The following COL4A6 variants were observed in gnomAD, a reference collection of about 807,000 sequenced individuals.
COL4A6 encodes the protein collagen alpha-6(IV) chain.
In COL4A6, 59 loss-of-function variants were observed where a neutral mutation model predicts 126.7. The observed-to-expected ratio is 0.47, with a 90% confidence interval of 0.38 to 0.58. COL4A6 has a LOEUF of 0.58. Ranked by LOEUF, COL4A6 falls within the 20% of genes least tolerant of loss-of-function variation. The probability of loss-of-function intolerance (pLI) is 0.00; values close to 1 mark genes in which losing one functional copy is unlikely to be tolerated. For synonymous variants in COL4A6, 547 were observed against 496.6 expected, an observed-to-expected ratio of 1.10 and a Z score of -1.35; for missense variants, 1,285 against 1,337.3, an observed-to-expected ratio of 0.96 and a Z score of 0.61.
chrX:108,350,198 A>G (rs1467613885), intron 2 of COL4A6, among the ~76,000 whole-genome samples: 2 of 112,263 alleles, frequency 1.8e-5, no homozygotes, highest in African/African-American at 6.5e-5. Flanking sequence ...ACAATCTGCA[A>G]TATATATGGG....
chrX:108,321,339 G>A (rs1479196887), intron 2 of COL4A6, among the ~76,000 whole-genome samples: 1 of 110,697 alleles, frequency 9.0e-6, no homozygotes, highest in Admixed American at 9.6e-5. Context: ...TTTTTGTTTT[G>A]TTTCATTTTG....
intron 2 of COL4A6, among the ~76,000 whole-genome samples, chrX:108,318,505 T>C (rs1475813773): frequency 2.7e-5 from 3 of 111,176 alleles, no homozygotes; most frequent in African/African-American, 9.8e-5. Flanking sequence ...CTCCTTAAGC[T>C]GATAAGCAAC....
intron 23 of COL4A6, among the ~76,000 whole-genome samples, chrX:108,181,935 T>C (rs1174330252): frequency 1.8e-5 from 2 of 112,699 alleles, no homozygotes. Context: ...CTATAGCTTT[T>C]GCCTGTACTT....
intron 2 of COL4A6, among the ~76,000 whole-genome samples, chrX:108,391,031 G>T (rs1007723562): frequency 2.7e-5 from 3 of 111,230 alleles, no homozygotes; most frequent in African/African-American, 6.5e-5. Flanking sequence ...GTTTTCCCGG[G>T]TATCACCAGT....
intron 14 of COL4A6, 149 bp from the exon 15 acceptor site, chrX:108,195,275 CTTTT>C: frequency 7.0e-6 from 2 of 285,355 alleles, no homozygotes; most frequent in East Asian, 5.7e-5. Context: ...AGCTTAACGA[CTTTT>C]TTTTTTTTTT....
At chrX:108,298,759 A>G (rs2038403489) in intron 3 of COL4A6, among the ~76,000 whole-genome samples, 1 of 108,997 alleles carries the variant, frequency 9.2e-6, no homozygotes. Context: ...GACTTGCCAC[A>G]TTGCAGGCTC....
chrX:108,377,773 C>A (rs1311458427), intron 2 of COL4A6, among the ~76,000 whole-genome samples: 2 of 106,358 alleles, frequency 1.9e-5, no homozygotes, highest in African/African-American at 3.4e-5. Context: ...ACTAAAAAAA[C>A]CAAAAAATTA....
At chrX:108,266,118 T>C (rs2147741909) in intron 3 of COL4A6, among the ~76,000 whole-genome samples, 1 of 111,664 alleles carries the variant, frequency 9.0e-6, no homozygotes, top group South Asian at 3.8e-4. Context: ...AGAAAATATA[T>C]GAGTGCAGTG....
At position 108,300,348 on chromosome X, in the gene COL4A6, GTC is replaced by G. The variant is rs763735393; in HGVS notation, c.144+10398_144+10399del. 7.3e-4 allele frequency among the ~76,000 whole-genome samples: 72 copies of G among 99,249 alleles called. No homozygotes were observed. The East Asian group carries it at 0.011, about 15-fold the overall frequency. 86.2% of individuals were successfully genotyped at this position (99,249 alleles called of 115,157 possible). A position where few individuals can be genotyped will look rare whatever the true frequency, so the allele number is the denominator to read the frequency against. ...TCACATCATCAAATCACTAGTTTGG[GTC>G]TCTCTCTCTCTCTCTCTGTGTGTGT... is the stretch of plus-strand genomic sequence containing the variant. On this transcript the variant is annotated intron_variant, in intron 3 of 44. Transcript: ENST00000334504.
intron 3 of COL4A6, among the ~76,000 whole-genome samples, chrX:108,274,511 C>G (rs1456690495): frequency 9.0e-6 from 1 of 111,507 alleles, no homozygotes; most frequent in Non-Finnish European, 1.9e-5. Context: ...AATACATGGT[C>G]TTAGGCAAGT....
intron 2 of COL4A6, among the ~76,000 whole-genome samples, chrX:108,315,743 G>A (rs1287683669): frequency 9.0e-6 from 1 of 111,354 alleles, no homozygotes; most frequent in Non-Finnish European, 1.9e-5. Flanking sequence ...CTTATACACT[G>A]CCTCCCTCTC....
At chrX:108,299,138 T>C (rs1262194013) in intron 3 of COL4A6, among the ~76,000 whole-genome samples, 2 of 111,689 alleles carry the variant, frequency 1.8e-5, no homozygotes, top group Non-Finnish European at 1.9e-5. Flanking sequence ...TTAGTATCTA[T>C]GTGGATATGC....
At chrX:108,437,864 C>G in intron 2 of COL4A6, 78 bp downstream of exon 2, 1 of 1,116,218 alleles carries the variant, frequency 9.0e-7, no homozygotes, top group Admixed American at 2.2e-5. Context: ...CTGCAACCCC[C>G]TAACATAAAT....
At chrX:108,369,251 A>G (rs1344134934) in intron 2 of COL4A6, among the ~76,000 whole-genome samples, 1 of 111,773 alleles carries the variant, frequency 8.9e-6, no homozygotes, top group Non-Finnish European at 1.9e-5. Flanking sequence ...TAGGACTACC[A>G]TCGTACATGT....
rs145634519 is a variant in COL4A6, at chrX:108,164,905, A to G, written c.3942T>C (p.Ser1314=). The G allele has an allele frequency of 4.7e-5, 57 of 1,204,620 alleles. No homozygotes were observed. The East Asian group carries it at 7.4e-4, about 16-fold the overall frequency. Residue 1314 remains serine (S), a synonymous_variant, in exon 39 of 45, where the codon TCT becomes TCC. Transcript: ENST00000334504. ...TCAGTCCTAGCTCTCCAGGGAGGCC[A>G]GAAAAACCTGGAATTCCTTGGTCTC... ...PKGDQGIPGF[S]GLPGELGLKG... is the part of the protein sequence containing the mutation.
In COL4A6 at chrX:108,205,695, C is replaced by G; in HGVS notation, c.610G>C (p.Gly204Arg). 1 of 1,204,143 alleles carries G rather than the reference C, an allele frequency of 8.3e-7. No homozygotes were observed. Among genetic ancestry groups the G allele is most frequent in the Non-Finnish European group, 1.1e-6 (1 of 891,293 alleles). ...AGAGGACCAGGAGGCCCTGGAGGACCCTAGATTTTTTTTAAAAATAAGAAA... is the reference window on the plus strand; with the variant it reads ...AGAGGACCAGGAGGCCCTGGAGGACGCTAGATTTTTTTTAAAAATAAGAAA... ...VGPAGPPGLQGPPGPPGPLGP... is the reference protein window; with the variant it reads ...VGPAGPPGLQRPPGPPGPLGP... Residue 204 changes from glycine (G) to arginine (R), a missense_variant and splice_region_variant, in exon 10 of 45, where the codon GGT (glycine) becomes CGT (arginine). By Grantham distance (125) the Gly-to-Arg change is moderately radical (BLOSUM62 -2). Transcript: ENST00000334504.
intron 3 of COL4A6, among the ~76,000 whole-genome samples, chrX:108,273,660 G>T (rs2037520025): frequency 8.9e-6 from 1 of 112,080 alleles, no homozygotes; most frequent in African/African-American, 3.2e-5. Context: ...CATAAAAAGG[G>T]ATGAGTTCAT....
intron 2 of COL4A6, among the ~76,000 whole-genome samples, chrX:108,396,058 A>G (rs2040956751): frequency 8.9e-6 from 1 of 111,783 alleles, no homozygotes; most frequent in African/African-American, 3.2e-5. Context: ...TCTGGGAAAT[A>G]AAACATATTA....
At chrX:108,419,646 C>T (rs923470213) in intron 2 of COL4A6, among the ~76,000 whole-genome samples, 2 of 111,922 alleles carry the variant, frequency 1.8e-5, no homozygotes, top group Non-Finnish European at 3.8e-5. Flanking sequence ...CTAGTTCAGG[C>T]TCCTTTAATA....
Sources: allele counts gnomAD v4.1 joint callset (sites outside exome capture counted in the v4.1 genomes callset), GRCh38; gene constraint gnomAD v4.1.1; transcripts MANE v1.5; gene names NCBI Gene and HGNC (gene_info 2026-07-23, HGNC 2026-07-21).